RNF157: variants seen among roughly 807,000 people sequenced by gnomAD.
RNF157 encodes E3 ubiquitin ligase RNF157.
RNF157 carries 55 observed loss-of-function variants against 88.3 expected under a neutral mutation model. The observed-to-expected ratio is 0.62, with a 90% CI of 0.50 to 0.78. The LOEUF (loss-of-function observed/expected upper bound fraction) is 0.78. Ranked by LOEUF, RNF157 falls within the 30% of genes least tolerant of loss-of-function variation. The pLI is 0.00. For missense variants in RNF157, 788 were observed against 860.8 expected (o/e 0.92, Z 1.06); for synonymous variants, 334 against 341.2 (o/e 0.98, Z 0.23).
rs980828308 is a variant in RNF157 at position 76,160,722 on chromosome 17, T to C, written c.1065+813A>G. ...CTAACTTTTAATTTTGGTTACCTTT[T>C]AGACCTCTGAAGTGCTAAACTTTTT... On this transcript the variant is annotated intron_variant, in intron 11 of 18. Coordinates refer to ENST00000269391, the MANE Select transcript of RNF157 (RefSeq NM_052916.3). This position sits in a 1 kb window ranked among gnomAD's most constrained non-coding sequence, Gnocchi z 4.3. Among the ~76,000 whole-genome samples, 1 of 152,236 alleles carries C rather than the reference T, an allele frequency of 6.6e-6. No homozygotes were observed. Among genetic ancestry groups the C allele is most frequent in the African/African-American group, 2.4e-5 (1 of 41,464 alleles).
chr17:76,153,237 A>C (rs974235841), intron 17 of RNF157: 1 of 152,260 alleles, frequency 6.6e-6, no homozygotes, highest in African/African-American at 2.4e-5. Context: ...AACAATCACA[A>C]GGGGTAACTC....
At chr17:76,178,354 A>G (rs1266245751) in intron 2 of RNF157, among the ~76,000 whole-genome samples, 3 of 152,228 alleles carry the variant, frequency 2.0e-5, no homozygotes, top group Non-Finnish European at 4.4e-5. Context: ...AGCCTCGCAG[A>G]CAGCTGGCAC....
chr17:76,221,973 T>G (rs748000832), intron 1 of RNF157, among the ~76,000 whole-genome samples: 57 of 152,068 alleles, frequency 3.7e-4, no homozygotes, highest in Non-Finnish European at 5.6e-4. Flanking sequence ...GATAGGTAAA[T>G]CCACAGAGAG....
At chr17:76,212,146 C>T (rs2145025419) in intron 2 of RNF157, 1 of 464,106 alleles carries the variant, frequency 2.2e-6, no homozygotes, top group South Asian at 3.5e-5. Context: ...ATTTGTGAGA[C>T]TCATCCTCTC....
intron 1 of RNF157, among the ~76,000 whole-genome samples, chr17:76,238,971 G>A (rs1378868343): frequency 6.6e-6 from 1 of 152,282 alleles, no homozygotes; most frequent in Admixed American, 6.5e-5. Flanking sequence ...GCAGGGATGC[G>A]GGCAGGTTCA....
chr17:76,155,308 C>T lies in RNF157; in HGVS notation c.1708G>A (p.Ala570Thr). Residue 570 changes from alanine to threonine, a missense_variant, in exon 16 of 19, where the codon GCG becomes ACG. Ala to Thr is a moderately conservative substitution (Grantham distance 58). Transcript: ENST00000269391. ...GCAAAGTTGCTGTCTGGAGACTCCGCTGGCAGCCCCTGCAGAAGAGCACAG... is the reference window on the plus strand; with the variant it reads ...GCAAAGTTGCTGTCTGGAGACTCCGTTGGCAGCCCCTGCAGAAGAGCACAG... ...APSEEGEGLP[A>T]ESPDSNFAGL... 5 of 1,614,202 alleles carry T rather than the reference C, an allele frequency of 3.1e-6. No homozygotes were observed. The highest frequency in any genetic ancestry group is 4.2e-6 in the Non-Finnish European group (5 of 1,179,990).
At position 76,154,172 on chromosome 17, in the gene RNF157, T is replaced by C; in HGVS notation, c.1810+111A>G. 3 of 793,054 alleles carry C rather than the reference T, an allele frequency of 3.8e-6. No homozygotes were observed. In the South Asian group the frequency reaches 4.3e-5, roughly 11 times the overall value. The allele number at this position is 793,054 out of a possible 1,614,324, so 49.1% of individuals were successfully genotyped here. On this transcript the variant is annotated intron_variant, in intron 17 of 18. Coordinates refer to ENST00000269391, the MANE Select transcript of RNF157 (RefSeq NM_052916.3). The stretch of plus-strand genomic sequence containing the variant: ...GACGATCTTTCCTCTAACAGCCCCA[T>C]ACAACTGAGCAGCGCCACCACGTCA...
intron 1 of RNF157, among the ~76,000 whole-genome samples, chr17:76,234,338 C>T (rs529223001): frequency 6.6e-6 from 1 of 152,164 alleles, no homozygotes; most frequent in African/African-American, 2.4e-5. Context: ...ATGAGTAATT[C>T]ATGTGCAAGT....
At chr17:76,218,703 G>A (rs991695215) in intron 1 of RNF157, among the ~76,000 whole-genome samples, 1 of 152,060 alleles carries the variant, frequency 6.6e-6, no homozygotes, top group Non-Finnish European at 1.5e-5. Context: ...GGAGGCCAAG[G>A]TGGGCAGATC....
At position 76,161,992 on chromosome 17, in the gene RNF157, T is replaced by C; in HGVS notation, c.803A>G (p.Asp268Gly). 6.2e-7 allele frequency: 1 copy of C among 1,613,364 alleles called. No homozygotes were observed. Among genetic ancestry groups the C allele is most frequent in the Non-Finnish European group, 8.5e-7 (1 of 1,179,444 alleles). The change falls in exon 10 of 19, where the codon GAC (aspartate) becomes GGC (glycine). Residue 268 changes from aspartate (D) to glycine (G), a missense_variant. Transcript: ENST00000269391. The surrounding 1 kb of genome is among the most constrained non-coding windows in gnomAD (Gnocchi z 4.6). ...CTCGGCACTGTTATCACTCACTTCGTCTTCAGCCACCTGGCCAAGGAGAAA... is the reference window on the plus strand; with the variant it reads ...CTCGGCACTGTTATCACTCACTTCGCCTTCAGCCACCTGGCCAAGGAGAAA... Reference protein sequence around the residue: ...YNTQDSKVAEDEVSDNSAECV... With the variant: ...YNTQDSKVAEGEVSDNSAECV...
intron 2 of RNF157, among the ~76,000 whole-genome samples, chr17:76,190,253 A>C (rs1598416348): frequency 7.1e-6 from 1 of 141,586 alleles, no homozygotes. Context: ...TGCGACTTCC[A>C]CCTCCCGGGT....
intron 9 of RNF157, 137 bp from the exon 10 acceptor site, chr17:76,162,139 AT>A (rs1279062384): frequency 2.1e-5 from 18 of 864,002 alleles, no homozygotes; most frequent in Non-Finnish European, 2.8e-5. Context: ...GGACTTTGTC[AT>A]TTTCCCAGTG....
At chr17:76,191,046 G>A (rs2069377114) in intron 2 of RNF157, among the ~76,000 whole-genome samples, 3 of 151,390 alleles carry the variant, frequency 2.0e-5, no homozygotes, top group Admixed American at 1.3e-4. Context: ...AAAAAGTTAC[G>A]ATATGGATTA....
chr17:76,147,290 G>A (rs907402502), intron 18 of RNF157: 11 of 985,168 alleles, frequency 1.1e-5, no homozygotes, highest in African/African-American at 1.7e-5. Context: ...TGTTTATGGG[G>A]CAGGACTCCG....
At chr17:76,188,016 C>T (rs1289839936) in intron 2 of RNF157, among the ~76,000 whole-genome samples, 1 of 152,200 alleles carries the variant, frequency 6.6e-6, no homozygotes, top group Non-Finnish European at 1.5e-5. Flanking sequence ...TGCTAAGCTT[C>T]TAAGAGTCTT....
chr17:76,237,807 G>A (rs189342143), intron 1 of RNF157, among the ~76,000 whole-genome samples: 52 of 152,182 alleles, frequency 3.4e-4, no homozygotes, highest in Admixed American at 1.1e-3. Flanking sequence ...TTGCCTGGGC[G>A]TGGTAGCTCA....
At chr17:76,158,285 CA>C (rs2068795460) in intron 13 of RNF157, 107 bp downstream of exon 13, 1 of 759,196 alleles carries the variant, frequency 1.3e-6, no homozygotes, top group African/African-American at 1.7e-5. Flanking sequence ...AGGGTGCTGA[CA>C]AGGTGTTTGA....
At chr17:76,207,801 C>T (rs1248120398) in intron 2 of RNF157, among the ~76,000 whole-genome samples, 1 of 152,172 alleles carries the variant, frequency 6.6e-6, no homozygotes, top group Non-Finnish European at 1.5e-5. Flanking sequence ...CTGAGCCTTC[C>T]CCTAAACAAG....
chr17:76,167,541 A>C (rs1349286743), intron 4 of RNF157, 110 bp downstream of exon 4: 1 of 1,482,628 alleles, frequency 6.7e-7, no homozygotes. Flanking sequence ...TCTGGGAAGG[A>C]AGTGGCTCGC....
Sources: gnomAD v4.1 joint callset for allele counts (sites outside exome capture counted in the v4.1 genomes callset) on GRCh38, gnomAD v4.1.1 for gene constraint, Gnocchi (gnomAD v3.1) non-coding constraint, MANE v1.5 for transcripts, NCBI Gene and HGNC (gene_info 2026-07-23, HGNC 2026-07-21) for gene names.